The following ANKRD26 variants were observed in gnomAD, a reference collection of about 807,000 sequenced individuals.
The protein encoded by ANKRD26 is ankyrin repeat domain-containing protein 26.
A neutral mutation model predicts 208.7 loss-of-function variants in ANKRD26; 141 were observed. The ratio of observed to expected loss-of-function variants is 0.68; its 90% confidence interval spans 0.59 to 0.78. The LOEUF is 0.78. ANKRD26 is among the 30% of genes least tolerant of loss of function. ANKRD26 has a pLI of 0.00. For missense variants in ANKRD26, 1,889 were observed against 1,938.7 expected, an observed-to-expected ratio of 0.97 and a Z score of 0.48; for synonymous variants, 636 against 660.4, an observed-to-expected ratio of 0.96 and a Z score of 0.57.
chr10:26,966,496 G>A, the ANKRD26 span, among the ~76,000 whole-genome samples: 1 of 152,180 alleles, frequency 6.6e-6, no homozygotes, highest in African/African-American at 2.4e-5. Flanking sequence ...TAGGGGGTGA[G>A]GGGAGGGAAC....
chr10:27,043,674 T>G, intron 19 of ANKRD26, 107 bp from the exon 20 acceptor site: 1 of 1,127,296 alleles, frequency 8.9e-7, no homozygotes, highest in Non-Finnish European at 1.3e-6. Flanking sequence ...AGGTATTTCT[T>G]AAAAAGAACT....
chr10:27,005,859 T>G, intron 33 of ANKRD26, 136 bp from the exon 34 acceptor site: 1 of 1,081,202 alleles, frequency 9.2e-7, no homozygotes, highest in East Asian at 2.8e-5. Context: ...TATTATACAA[T>G]ATTACTATTA....
chr10:27,014,788 G>T, intron 30 of ANKRD26, 77 bp from the exon 31 acceptor site: 1 of 1,227,226 alleles, frequency 8.1e-7, no homozygotes, highest in Admixed American at 2.2e-5. Context: ...GGTGTCTAAG[G>T]GCTGTTTTGT....
At chr10:27,034,754 T>G in intron 24 of ANKRD26, 42 bp downstream of exon 24, 1 of 1,354,146 alleles carries the variant, frequency 7.4e-7, no homozygotes, top group South Asian at 1.3e-5. Context: ...TTAAATTTTC[T>G]TTCAGGAGGT....
At chr10:27,035,833 T>C in intron 23 of ANKRD26, 81 bp from the exon 24 acceptor site, 1 of 1,053,082 alleles carries the variant, frequency 9.5e-7, no homozygotes, top group Non-Finnish European at 1.4e-6. Flanking sequence ...AAGAATAAAC[T>C]GTACATTTTA....
intron 26 of ANKRD26, 87 bp downstream of exon 26, chr10:27,029,199 T>A: frequency 7.0e-7 from 1 of 1,432,668 alleles, no homozygotes; most frequent in Non-Finnish European, 9.6e-7. Flanking sequence ...GATGTACTTA[T>A]GATCATAGCT....
intron 15 of ANKRD26, among the ~76,000 whole-genome samples, chr10:27,055,629 CAT>C (rs1247658326): frequency 1.3e-5 from 2 of 152,080 alleles, no homozygotes; most frequent in Non-Finnish European, 2.9e-5. Context: ...AATTGAATTT[CAT>C]ATATCTTTTT....
intron 31 of ANKRD26, among the ~76,000 whole-genome samples, chr10:27,014,162 A>G (rs1305155550): frequency 6.6e-6 from 1 of 152,154 alleles, no homozygotes; most frequent in Non-Finnish European, 1.5e-5. Context: ...ATTAATAATT[A>G]TATTTATGGC....
At chr10:26,975,028 T>C (rs1260638873) in exon 6 of ANKRD26, among the ~76,000 whole-genome samples, 1 of 152,192 alleles carries the variant, frequency 6.6e-6, no homozygotes. Flanking sequence ...TATCACTAGA[T>C]TCTAATTGAA....
In ANKRD26 at chr10:27,017,572, T is replaced by A; in HGVS notation, c.4436A>T (p.Lys1479Ile). 1 of 1,613,762 alleles carries A rather than the reference T, an allele frequency of 6.2e-7. No individual in the cohort carries two copies. The highest frequency in any genetic ancestry group is 1.3e-5 in the African/African-American group (1 of 75,056). ...MVELGQVKQY[K>I]QEIEERARQE... ...TCTTGCTCTTTCTTCAATCTCCTGT[T>A]TATACTGTTTGACTTGACCAAGTTC... Residue 1479 changes from lysine to isoleucine, a missense_variant, in exon 30 of 34, where the codon AAA becomes ATA. Physicochemically the swap from Lys to Ile is moderately radical, Grantham distance 102. Around this residue, in one of 3 missense-constraint regions of ANKRD26, gnomAD observed 613 missense variants for 648.2 expected, o/e 0.95. Coordinates refer to ENST00000376087, the MANE Select transcript of ANKRD26 (RefSeq NM_014915.3).
Position 27,046,447 on chromosome 10 carries a change from A to G in ANKRD26, c.1891T>C (p.Ser631Pro). The change falls in exon 18 of 34, where the codon TCA becomes CCA. Residue 631 changes from serine (S) to proline (P), a missense_variant. Around this residue, in one of 3 missense-constraint regions of ANKRD26, gnomAD observed 1,272 missense variants for 1,273.8 expected, o/e 1.00. Coordinates refer to ENST00000376087, the MANE Select transcript of ANKRD26 (RefSeq NM_014915.3). Reference protein sequence around the residue: ...EKRTSKESVNSPVFGKASLLT... With the variant: ...EKRTSKESVNPPVFGKASLLT... Reference sequence around the variant, plus strand: ...AAACTGGCCTTCCCAAACACTGGTGAATTCACAGATTCTTTCGAGGTCCGT... The same window carrying G: ...AAACTGGCCTTCCCAAACACTGGTGGATTCACAGATTCTTTCGAGGTCCGT... 6.2e-7 allele frequency: 1 copy of G among 1,614,144 alleles called. No individual in the cohort carries two copies. The highest frequency in any genetic ancestry group is 1.1e-5 in the South Asian group (1 of 91,084).
the ANKRD26 span, among the ~76,000 whole-genome samples, chr10:26,948,203 A>G: frequency 2.3e-4 from 35 of 152,330 alleles, no homozygotes; most frequent in African/African-American, 8.2e-4. Flanking sequence ...TGCTTCCCAA[A>G]GTAGAAACAT....
intron 1 of ANKRD26, 39 bp downstream of exon 1, chr10:27,100,045 AC>A: frequency 1.2e-6 from 2 of 1,612,032 alleles, no homozygotes; most frequent in Non-Finnish European, 1.7e-6. Flanking sequence ...CTGCCCGCCT[AC>A]TCCAGTGGCA....
Position 27,079,152 on chromosome 10 carries a change from G to A in ANKRD26, c.750C>T (p.Gly250=), listed in dbSNP as rs768980660. The A allele has an allele frequency of 3.1e-6, 5 of 1,613,424 alleles. No homozygotes were observed. The African/African-American group carries it at 6.7e-5, about 22-fold the overall frequency. The change falls in exon 7 of 34, where the codon GGC becomes GGT. Residue 250 remains glycine (G), a synonymous_variant. Coordinates refer to ENST00000376087, the MANE Select transcript of ANKRD26 (RefSeq NM_014915.3). The part of the protein sequence containing the change: ...SSEDSLSRLS[G]KPGVDDSWPT... ...GCCATGAATCATCAACACCCGGTTT[G>A]CCAGAAAGCCTTTAGAACAAAAATA...
chr10:27,033,525 G>A, intron 24 of ANKRD26, 148 bp from the exon 25 acceptor site: 2 of 792,626 alleles, frequency 2.5e-6, no homozygotes, highest in Non-Finnish European at 3.9e-6. Context: ...GTCCTCATAT[G>A]TACACATTGC....
intron 33 of ANKRD26, among the ~76,000 whole-genome samples, chr10:27,006,485 C>A (rs1038249850): frequency 4.6e-5 from 7 of 152,178 alleles, no homozygotes; most frequent in African/African-American, 1.7e-4. Flanking sequence ...ACCTGTCAAG[C>A]AACTGCTTAT....
At chr10:27,014,779 G>T in intron 30 of ANKRD26, 68 bp from the exon 31 acceptor site, 1 of 1,273,022 alleles carries the variant, frequency 7.9e-7, no homozygotes, top group Non-Finnish European at 1.1e-6. Flanking sequence ...CACCTACTCG[G>T]TGTCTAAGGG....
chr10:27,091,991 A>C (rs2056315792), intron 4 of ANKRD26, among the ~76,000 whole-genome samples: 3 of 152,130 alleles, frequency 2.0e-5, no homozygotes, highest in Non-Finnish European at 4.4e-5. Context: ...ATGTAAAAAA[A>C]AAAAAAAGTA....
At chr10:27,082,764 T>C in intron 6 of ANKRD26, 39 bp downstream of exon 6, 1 of 1,550,196 alleles carries the variant, frequency 6.5e-7, no homozygotes, top group Non-Finnish European at 8.7e-7. Context: ...TTTCTCTGTA[T>C]TCCTTTAAAT....
Sources: gnomAD v4.1 joint callset for allele counts (sites outside exome capture counted in the v4.1 genomes callset) on GRCh38, gnomAD v4.1.1 for gene constraint, gnomAD v4.1.1 regional missense constraint, MANE v1.5 for transcripts, NCBI Gene and HGNC (gene_info 2026-07-23, HGNC 2026-07-21) for gene names.